CFDP1: variants seen among roughly 807,000 people sequenced by gnomAD.
CFDP1 encodes heterochromatin-stabilizing protein CFDP1.
Under a neutral mutation model 40.1 loss-of-function variants are expected in CFDP1, and 31 were observed. That is an observed-to-expected ratio of 0.77 (90% CI 0.58 to 1.04). The LOEUF (loss-of-function observed/expected upper bound fraction) is 1.04, where lower values mean the gene tolerates loss of function less well. Among genes scored for constraint, CFDP1 ranks in the 50% least tolerant of loss-of-function variants. The pLI is 0.00. For missense variants in CFDP1, 423 were observed against 343.4 expected, an observed-to-expected ratio of 1.23 and a Z score of -1.83; for synonymous variants, 167 against 120.0, an observed-to-expected ratio of 1.39 and a Z score of -2.56.
At chr16:75,393,623 C>T (rs905950068) in intron 5 of CFDP1, among the ~76,000 whole-genome samples, 1 of 149,436 alleles carries the variant, frequency 6.7e-6, no homozygotes, top group Non-Finnish European at 1.5e-5. Context: ...CCCAGCTACT[C>T]GGGAGGCTGA....
At chr16:75,383,169 G>A (rs115828398) in intron 5 of CFDP1, among the ~76,000 whole-genome samples, 176 of 152,260 alleles carry the variant, frequency 1.2e-3, no homozygotes, top group African/African-American at 3.9e-3. Context: ...ACAGGGTTGT[G>A]GCAGAATCCA....
chr16:75,373,469 T>C (rs536127877), intron 5 of CFDP1, among the ~76,000 whole-genome samples: 189 of 152,202 alleles, frequency 1.2e-3, no homozygotes, highest in Non-Finnish European at 2.2e-3. Flanking sequence ...GTGGGTAATA[T>C]AAATGTCGCT....
At chr16:75,413,438 T>C (rs2079179329) in intron 2 of CFDP1, among the ~76,000 whole-genome samples, 1 of 150,846 alleles carries the variant, frequency 6.6e-6, no homozygotes, top group African/African-American at 2.4e-5. Context: ...TGGGTGCCTA[T>C]AATCCAGCCA....
intron 5 of CFDP1, among the ~76,000 whole-genome samples, chr16:75,374,364 A>T (rs914571883): frequency 6.6e-6 from 1 of 152,250 alleles, no homozygotes; most frequent in African/African-American, 2.4e-5. Context: ...TGTATTTTCA[A>T]GCAAAAAATA....
intron 5 of CFDP1, among the ~76,000 whole-genome samples, chr16:75,354,795 TA>T: frequency 6.6e-6 from 1 of 152,232 alleles, no homozygotes; most frequent in Middle Eastern, 3.4e-3. Context: ...AATGGGAAAT[TA>T]TAATAAAGAG....
chr16:75,365,711 A>G (rs758437404), intron 5 of CFDP1, among the ~76,000 whole-genome samples: 2 of 152,130 alleles, frequency 1.3e-5, no homozygotes, highest in Non-Finnish European at 2.9e-5. Flanking sequence ...ACCCTGTCTC[A>G]AAAAAACAAA....
chr16:75,386,291 C>T (rs1176368488), intron 5 of CFDP1, among the ~76,000 whole-genome samples: 1 of 152,144 alleles, frequency 6.6e-6, no homozygotes, highest in Middle Eastern at 3.2e-3. Flanking sequence ...TCTAAGAACA[C>T]TAGAATTTAT....
chr16:75,394,237 C>A (rs1298386853), intron 5 of CFDP1, among the ~76,000 whole-genome samples: 1 of 152,222 alleles, frequency 6.6e-6, no homozygotes. Flanking sequence ...TCTATGTTCA[C>A]TTCCCTGTGG....
At position 75,407,517 on chromosome 16, in the gene CFDP1, A is replaced by T. The variant is rs547113539; in HGVS notation, c.530+4308T>A. Among the ~76,000 whole-genome samples the T allele has an allele frequency of 2.3e-3, 349 of 152,094 alleles. 2 individuals carry two copies. The East Asian group carries it at 0.033, about 14-fold the overall frequency. The stretch of plus-strand genomic sequence containing the variant: ...ACACAGTGAGATGACATTGCTACAA[A>T]AAAATTTTAAAAGTTAGATGGGCAA... On this transcript the variant is annotated intron_variant, in intron 4 of 6. Transcript: ENST00000283882.
At chr16:75,406,175 G>C (rs1403294581) in intron 4 of CFDP1, among the ~76,000 whole-genome samples, 2 of 151,642 alleles carry the variant, frequency 1.3e-5, no homozygotes, top group African/African-American at 4.9e-5. Context: ...AGGAGTTCAA[G>C]ACCAGCCTAA....
rs2151565512 is a variant in CFDP1, at chr16:75,396,082, TGTGAA to T, written c.531-878_531-874del. Among the ~76,000 whole-genome samples, 2 of 103,816 alleles carry T rather than the reference TGTGAA, an allele frequency of 1.9e-5. 1 individual carries two copies. The highest frequency in any genetic ancestry group is 5.7e-5 in the African/African-American group (2 of 34,834). 68.1% of individuals were successfully genotyped at this position (103,816 alleles called of 152,430 possible). Reference sequence around the variant, plus strand: ...CTAAATCTCCATGCTGGTTTACTGATGTGAAGGCTGAAAAAGGCCCTCACACTGCA... The same window carrying T: ...CTAAATCTCCATGCTGGTTTACTGATGGCTGAAAAAGGCCCTCACACTGCA... On this transcript the variant is annotated intron_variant, in intron 4 of 6. Coordinates refer to ENST00000283882, the MANE Select transcript of CFDP1 (RefSeq NM_006324.3).
At chr16:75,356,912 T>C (rs1238821510) in intron 5 of CFDP1, among the ~76,000 whole-genome samples, 1 of 62,016 alleles carries the variant, frequency 1.6e-5, no homozygotes, top group South Asian at 5.6e-4. Flanking sequence ...GCTTTCTTTC[T>C]TTTTTTTTTT....
chr16:75,369,544 A>G (rs1396486718), intron 5 of CFDP1, among the ~76,000 whole-genome samples: 1 of 152,204 alleles, frequency 6.6e-6, no homozygotes, highest in Non-Finnish European at 1.5e-5. Flanking sequence ...CCAATAATCT[A>G]AACAGTGTAT....
At chr16:75,413,959 C>A (rs2079183567) in intron 2 of CFDP1, among the ~76,000 whole-genome samples, 1 of 152,050 alleles carries the variant, frequency 6.6e-6, no homozygotes, top group Non-Finnish European at 1.5e-5. Flanking sequence ...ACATTATATA[C>A]ATTTATATAT....
intron 5 of CFDP1, among the ~76,000 whole-genome samples, chr16:75,381,877 C>T (rs4146809): frequency 0.52 from 79,077 of 151,902 alleles, 21,608 homozygotes; most frequent in Admixed American, 0.64. Context: ...GTAGATGATA[C>T]TATTAGATGC....
At chr16:75,351,351 A>G (rs889441642) in intron 5 of CFDP1, among the ~76,000 whole-genome samples, 3 of 152,254 alleles carry the variant, frequency 2.0e-5, no homozygotes, top group Non-Finnish European at 2.9e-5. Flanking sequence ...TGTTTCCCAC[A>G]GAAAGAAAGC....
chr16:75,335,658 G>A lies in CFDP1; in HGVS notation c.651-30476C>T, dbSNP rs953116569. Among the ~76,000 whole-genome samples, 8 of 149,960 alleles carry A rather than the reference G, an allele frequency of 5.3e-5. No homozygotes were observed. In the East Asian group the frequency reaches 5.9e-4, roughly 11 times the overall value. ...TGCAAGCTCCGCCTCCCGGGTTCAC[G>A]CCATTCTCCTGCCTCAGCCTCCCGA... On this transcript the variant is annotated intron_variant, in intron 5 of 6. Transcript: ENST00000283882.
At chr16:75,304,471 T>TA (rs2151500147) in intron 6 of CFDP1, among the ~76,000 whole-genome samples, 2 of 152,318 alleles carry the variant, frequency 1.3e-5, no homozygotes, top group Admixed American at 1.3e-4. Context: ...ATTCTCTTTG[T>TA]ATTCCACAGC....
At chr16:75,379,017 T>G (rs564358784) in intron 5 of CFDP1, among the ~76,000 whole-genome samples, 35 of 151,808 alleles carry the variant, frequency 2.3e-4, no homozygotes, top group Admixed American at 3.9e-4. Flanking sequence ...AAAGAAAGTC[T>G]CAAGGGAATT....
Sources: gnomAD v4.1 joint callset for allele counts (sites outside exome capture counted in the v4.1 genomes callset) on GRCh38, gnomAD v4.1.1 for gene constraint, MANE v1.5 for transcripts, NCBI Gene and HGNC (gene_info 2026-07-23, HGNC 2026-07-21) for gene names.